RNF121: variants seen among roughly 807,000 people sequenced by gnomAD.
RNF121 encodes the protein ring finger protein 121.
RNF121 carries 21 observed loss-of-function variants against 46.5 expected under a neutral mutation model. That is an observed-to-expected ratio of 0.45 (90% CI 0.32 to 0.65). RNF121 has a LOEUF of 0.65. RNF121 is among the 30% of genes least tolerant of loss of function. The pLI is 0.04. For missense variants in RNF121, 346 were observed against 416.0 expected (o/e 0.83, Z 1.46); for synonymous variants, 139 against 144.7 (o/e 0.96, Z 0.28).
intron 7 of RNF121, chr11:71,995,102 A>G (rs1590819269): frequency 1.7e-6 from 1 of 572,290 alleles, no homozygotes; most frequent in East Asian, 2.9e-5. Flanking sequence ...AGCAGACCTG[A>G]GATCTGACCA....
At chr11:71,948,648 C>G (rs933401578) in intron 1 of RNF121, among the ~76,000 whole-genome samples, 4 of 151,620 alleles carry the variant, frequency 2.6e-5, no homozygotes, top group Non-Finnish European at 5.9e-5. Context: ...TTTCACTTCA[C>G]TGCCCAAAGT....
intron 5 of RNF121, among the ~76,000 whole-genome samples, chr11:71,990,101 G>A (rs1399086138): frequency 2.0e-5 from 3 of 152,294 alleles, no homozygotes; most frequent in East Asian, 1.9e-4. Flanking sequence ...TGTGGCCACC[G>A]GAGTAATTTT....
intron 7 of RNF121, 77 bp from the exon 8 acceptor site, chr11:71,995,373 T>A: frequency 8.5e-7 from 1 of 1,183,298 alleles, no homozygotes; most frequent in Non-Finnish European, 1.2e-6. Context: ...GAAGGCAGGA[T>A]TTGAACCTTT....
rs545412359 is a variant in RNF121 at position 71,960,487 on chromosome 11, T to C, written c.102-263T>C. On this transcript the variant is annotated intron_variant, in intron 2 of 8. Transcript: ENST00000361756. ...TACAGGAAAGGTGTCAGCTGTTTCTTCCATGGGGGCAGGCAGCAGGCCACT... is the reference window on the plus strand; with the variant it reads ...TACAGGAAAGGTGTCAGCTGTTTCTCCCATGGGGGCAGGCAGCAGGCCACT... Among the ~76,000 whole-genome samples, 6 of 152,292 alleles carry C rather than the reference T, an allele frequency of 3.9e-5. No homozygotes were observed. In the South Asian group the frequency reaches 1.2e-3, roughly 32 times the overall value.
Position 71,991,017 on chromosome 11 carries a change from A to G in RNF121, c.627+300A>G, listed in dbSNP as rs978260403. ...TCTTACTTATAAGTGGGAACTAAAC[A>G]TTGGATATTCATGGACATAAAGATG... On this transcript the variant is annotated intron_variant, in intron 6 of 8. Coordinates refer to ENST00000361756, the MANE Select transcript of RNF121 (RefSeq NM_018320.5). Among the ~76,000 whole-genome samples, 8 of 152,326 alleles carry G rather than the reference A, an allele frequency of 5.3e-5. No individual in the cohort carries two copies. The East Asian group carries it at 1.5e-3, about 29-fold the overall frequency.
intron 4 of RNF121, 130 bp downstream of exon 4, chr11:71,983,045 C>T: frequency 1.2e-6 from 1 of 802,686 alleles, no homozygotes; most frequent in Non-Finnish European, 1.8e-6. Context: ...CATGGGGCCT[C>T]TCTAAAACAA....
chr11:71,947,591 T>C (rs547528470), intron 1 of RNF121, among the ~76,000 whole-genome samples: 10 of 151,976 alleles, frequency 6.6e-5, no homozygotes, highest in Non-Finnish European at 1.5e-4. Context: ...AAGAGATAGA[T>C]AGTTCAATGT....
At chr11:71,978,159 C>A (rs553789323) in intron 3 of RNF121, 11 of 452,318 alleles carry the variant, frequency 2.4e-5, no homozygotes, top group East Asian at 2.2e-4. Context: ...CCTCAGCCCC[C>A]CAATGTGCTC....
intron 1 of RNF121, among the ~76,000 whole-genome samples, chr11:71,953,035 T>C (rs1478544289): frequency 6.6e-6 from 1 of 152,114 alleles, no homozygotes; most frequent in African/African-American, 2.4e-5. Flanking sequence ...GAATAGTACA[T>C]TTTATTTATT....
At chr11:71,989,384 T>C (rs1954826022) in intron 5 of RNF121, among the ~76,000 whole-genome samples, 2 of 152,182 alleles carry the variant, frequency 1.3e-5, no homozygotes, top group African/African-American at 4.8e-5. Flanking sequence ...GCCTGGCCTC[T>C]GCATTAAGTT....
intron 4 of RNF121, among the ~76,000 whole-genome samples, chr11:71,986,497 G>A (rs1954773016): frequency 6.6e-6 from 1 of 152,164 alleles, no homozygotes; most frequent in South Asian, 2.1e-4. Context: ...GCTGGGTGTG[G>A]TGGCTCACGC....
chr11:71,940,409 A>G (rs1953538464), intron 1 of RNF121, among the ~76,000 whole-genome samples: 1 of 152,184 alleles, frequency 6.6e-6, no homozygotes, highest in Non-Finnish European at 1.5e-5. Context: ...CTTCTTGGAG[A>G]GGGAGCCATT....
At chr11:71,984,794 T>A (rs1274947189) in intron 4 of RNF121, among the ~76,000 whole-genome samples, 2 of 132,726 alleles carry the variant, frequency 1.5e-5, no homozygotes, top group African/African-American at 5.7e-5. Context: ...AGAGACAGGG[T>A]TTCACCATGT....
chr11:71,942,785 T>TATATATATATAG (rs1445316481), intron 1 of RNF121, among the ~76,000 whole-genome samples: 1 of 9,372 alleles, frequency 1.1e-4, no homozygotes, highest in East Asian at 8.5e-4. Context: ...TATATATATA[T>TATATATATATAG]ATATAGATAT....
intron 3 of RNF121, among the ~76,000 whole-genome samples, chr11:71,964,546 G>A (rs547557479): frequency 1.3e-5 from 2 of 151,402 alleles, no homozygotes; most frequent in South Asian, 2.1e-4. Flanking sequence ...TGGCGATTTC[G>A]GCTCACTGCA....
At chr11:71,954,655 T>G (rs895255849) in intron 1 of RNF121, among the ~76,000 whole-genome samples, 6 of 152,210 alleles carry the variant, frequency 3.9e-5, no homozygotes, top group Non-Finnish European at 7.4e-5. Context: ...GTAGCATGCT[T>G]GGTCCATTAT....
At chr11:71,986,708 G>A (rs538089057) in intron 4 of RNF121, among the ~76,000 whole-genome samples, 109 of 146,154 alleles carry the variant, frequency 7.5e-4, no homozygotes, top group South Asian at 6.9e-3. Context: ...GGTGGAGGTT[G>A]CAGTGAGCTG....
At chr11:71,942,948 A>G (rs894658351) in intron 1 of RNF121, among the ~76,000 whole-genome samples, 1 of 152,076 alleles carries the variant, frequency 6.6e-6, no homozygotes, top group Non-Finnish European at 1.5e-5. Flanking sequence ...GTGTCTTCAC[A>G]TGGCAGAAGG....
rs1186731256 is a variant in RNF121 at position 71,990,699 on chromosome 11, C to T, written c.609C>T (p.Tyr203=). 1 of 1,614,204 alleles carries T rather than the reference C, an allele frequency of 6.2e-7. No homozygotes were observed. Among genetic ancestry groups the T allele is most frequent in the South Asian group, 1.1e-5 (1 of 91,084 alleles). The stretch of plus-strand genomic sequence containing the variant: ...ACTTTGCAGAAATGTGTGCAGACTA[C>T]ATGGCATCTACCATAGGGGTAAGTT... ...ERDFAEMCAD[Y]MASTIGFYSE... The change falls in exon 6 of 9, where the codon TAC becomes TAT. Residue 203 remains tyrosine, a synonymous_variant. Transcript: ENST00000361756.
Sources: allele counts gnomAD v4.1 joint callset (sites outside exome capture counted in the v4.1 genomes callset), GRCh38; gene constraint gnomAD v4.1.1; transcripts MANE v1.5; gene names NCBI Gene and HGNC (gene_info 2026-07-23, HGNC 2026-07-21).